The following INVS variants were observed in gnomAD, a reference collection of about 807,000 sequenced individuals.
INVS encodes inversin, also known as inversion of embryo turning homolog.
INVS carries 86 observed loss-of-function variants against 108.8 expected under a neutral mutation model. The ratio of observed to expected loss-of-function variants is 0.79; its 90% CI spans 0.66 to 0.95. The LOEUF (loss-of-function observed/expected upper bound fraction) is 0.95, where lower values mean the gene tolerates loss of function less well. Among genes scored for constraint, INVS ranks in the 40% least tolerant of loss-of-function variants. INVS has a pLI of 0.00. For missense variants in INVS, 1,169 were observed against 1,297.4 expected, an observed-to-expected ratio of 0.90 and a Z score of 1.52; for synonymous variants, 455 against 473.5, an observed-to-expected ratio of 0.96 and a Z score of 0.51.
At chr9:100,100,846 A>T (rs905595646) in intron 1 of INVS, among the ~76,000 whole-genome samples, 483 of 4,858 alleles carry the variant, frequency 0.099, 147 homozygotes, top group African/African-American at 0.41. Context: ...ATATATATAT[A>T]ATATATGTAT....
chr9:100,159,094 T>C (rs895366724), intron 3 of INVS, among the ~76,000 whole-genome samples: 1 of 152,206 alleles, frequency 6.6e-6, no homozygotes. Context: ...AACCTGTTTT[T>C]TAAATAAATT....
chr9:100,195,549 G>A (rs147884642), intron 3 of INVS, among the ~76,000 whole-genome samples: 78 of 151,898 alleles, frequency 5.1e-4, no homozygotes, highest in African/African-American at 1.9e-3. Context: ...GTGCAGTGAT[G>A]TGATCTCGGC....
At chr9:100,153,149 G>C (rs1316236624) in intron 3 of INVS, among the ~76,000 whole-genome samples, 1 of 148,938 alleles carries the variant, frequency 6.7e-6, no homozygotes, top group East Asian at 2.0e-4. Flanking sequence ...TCGGTGTAAG[G>C]AAAACTTTCT....
rs909713792 is a variant in INVS, at chr9:100,116,827, A to C, written c.107-9556A>C. ...TGGTGTGGGTCTTGACGAGTTGGTC[A>C]GTGAATTCCTGACAGGGAGACTTGG... On this transcript the variant is annotated intron_variant, in intron 2 of 16. Coordinates refer to ENST00000262457, the MANE Select transcript of INVS (RefSeq NM_014425.5). The C allele has an allele frequency of 2.2e-4, 302 of 1,373,396 alleles. 3 individuals are homozygous for C. In the South Asian group the frequency reaches 2.2e-3, roughly 10 times the overall value. 85.1% of individuals were successfully genotyped at this position (1,373,396 alleles called of 1,614,324 possible).
intron 10 of INVS, among the ~76,000 whole-genome samples, chr9:100,257,663 A>C (rs1832464875): frequency 2.0e-5 from 3 of 152,188 alleles, no homozygotes. Flanking sequence ...TCCTTCACTT[A>C]TGAAGCTTAG....
At chr9:100,182,032 A>G (rs139419081) in intron 3 of INVS, among the ~76,000 whole-genome samples, 227 of 152,322 alleles carry the variant, frequency 1.5e-3, no homozygotes, top group African/African-American at 5.0e-3. Flanking sequence ...TCCCTATTTA[A>G]TAAATGGTGT....
intron 5 of INVS, among the ~76,000 whole-genome samples, chr9:100,231,025 A>T (rs781623417): frequency 6.6e-6 from 1 of 152,212 alleles, no homozygotes; most frequent in Admixed American, 6.5e-5. Context: ...TTATAGGTGT[A>T]TAGGAATGCA....
intron 3 of INVS, among the ~76,000 whole-genome samples, chr9:100,206,770 T>C (rs909709024): frequency 6.6e-6 from 1 of 152,154 alleles, no homozygotes. Flanking sequence ...GGCACTCCAT[T>C]CAATCATTTA....
chr9:100,252,847 T>A lies in INVS; in HGVS notation c.1235-60T>A, dbSNP rs914964846. 2.6e-6 allele frequency: 3 copies of A among 1,165,982 alleles called. No individual in the cohort carries two copies. The African/African-American group carries it at 4.6e-5, about 18-fold the overall frequency. The allele number at this position is 1,165,982 out of a possible 1,614,324, so 72.2% of individuals were successfully genotyped here. On this transcript the variant is annotated intron_variant, in intron 9 of 16. Transcript: ENST00000262457. ...AAGGAACAATTGTTTTTTCTACTCC[T>A]ACTCATTTTAATAAAAGCTATTTAT...
chr9:100,183,033 C>G (rs2119078286), intron 3 of INVS, among the ~76,000 whole-genome samples: 1 of 152,190 alleles, frequency 6.6e-6, no homozygotes, highest in East Asian at 1.9e-4. Flanking sequence ...AACAGAAAAC[C>G]AAACACCGCA....
chr9:100,130,269 T>A (rs1421501957), intron 3 of INVS: 1 of 152,162 alleles, frequency 6.6e-6, no homozygotes, highest in East Asian at 1.9e-4. Flanking sequence ...TCTGTTTTTT[T>A]AAATGAGGGA....
intron 3 of INVS, among the ~76,000 whole-genome samples, chr9:100,219,904 G>C (rs185442649): frequency 1.3e-5 from 2 of 151,500 alleles, no homozygotes; most frequent in Admixed American, 1.3e-4. Context: ...ATATATGTTT[G>C]TATGAAATAG....
In INVS at chr9:100,297,853, T is replaced by C. The variant is rs1281760501; in HGVS notation, c.3017-83T>C. 25 of 1,392,632 alleles carry C rather than the reference T, an allele frequency of 1.8e-5. No homozygotes were observed. In the East Asian group the frequency reaches 5.3e-4, roughly 29 times the overall value. 86.3% of individuals were successfully genotyped at this position (1,392,632 alleles called of 1,614,324 possible). The stretch of plus-strand genomic sequence containing the variant: ...GACACACACCTGCAAGCTCAAGCCT[T>C]TACCACAATAAGGAATTCAGAAGTT... On this transcript the variant is annotated intron_variant, in intron 15 of 16. Transcript: ENST00000262457.
At chr9:100,246,449 G>T (rs1407015284) in intron 7 of INVS, among the ~76,000 whole-genome samples, 167 bp from the exon 8 acceptor site, 2 of 152,158 alleles carry the variant, frequency 1.3e-5, no homozygotes, top group Non-Finnish European at 2.9e-5. Context: ...TGTTATCTTC[G>T]ATGGAAATTG....
At chr9:100,185,379 C>T (rs1026327050) in intron 3 of INVS, among the ~76,000 whole-genome samples, 1 of 151,436 alleles carries the variant, frequency 6.6e-6, no homozygotes, top group African/African-American at 2.4e-5. Context: ...CACTTTCAAC[C>T]AGTCACCACC....
intron 3 of INVS, among the ~76,000 whole-genome samples, chr9:100,207,492 C>T (rs772604411): frequency 1.6e-4 from 24 of 151,866 alleles, no homozygotes; most frequent in Admixed American, 2.6e-4. Context: ...GGGGTTTCGT[C>T]GTGTTGGCCA....
rs1185586101 is a variant in INVS, at chr9:100,272,920, TG to T, written c.1629del (p.Met543IlefsTer41). 3 of 1,614,134 alleles carry T rather than the reference TG, an allele frequency of 1.9e-6. No individual in the cohort carries two copies. ...LGERHEVIQF[M>X]LEHGALSIAA... ...GAGCGCCATGAAGTGATCCAGTTCA[TG>T]TTGGAGCACGGTGCCCTGTCCATCG... On this transcript the variant is annotated frameshift_variant, in exon 12 of 17. Transcript: ENST00000262457. LOFTEE classifies it high-confidence loss of function.
At chr9:100,242,542 A>G in intron 6 of INVS, 28 bp from the exon 7 acceptor site, 1 of 1,138,928 alleles carries the variant, frequency 8.8e-7, no homozygotes, top group Admixed American at 1.7e-5. Context: ...TTTATAAGTG[A>G]TAATTACCTT....
intron 3 of INVS, among the ~76,000 whole-genome samples, chr9:100,157,883 C>T (rs971858603): frequency 1.2e-4 from 18 of 152,144 alleles, no homozygotes; most frequent in Non-Finnish European, 2.5e-4. Context: ...TCTCCTACAA[C>T]AAAATGCTAC....
Sources: allele counts gnomAD v4.1 joint callset (sites outside exome capture counted in the v4.1 genomes callset), GRCh38; gene constraint gnomAD v4.1.1; transcripts MANE v1.5; gene names NCBI Gene and HGNC (gene_info 2026-07-23, HGNC 2026-07-21).